GPAA1: variants seen among roughly 807,000 people sequenced by gnomAD.
The protein encoded by GPAA1 is glycosylphosphatidylinositol anchor attachment 1, also known as GPI-anchor transamidase component GPAA1.
Under a neutral mutation model 64.0 loss-of-function variants are expected in GPAA1, and 54 were observed. The ratio of observed to expected loss-of-function variants is 0.84; its 90% CI spans 0.68 to 1.06. The LOEUF is 1.06. GPAA1 is among the 50% of genes least tolerant of loss of function. The probability of loss-of-function intolerance (pLI) is 0.00; values close to 1 mark genes in which losing one functional copy is unlikely to be tolerated. For missense variants in GPAA1, 780 were observed against 822.3 expected (o/e 0.95, Z 0.63); for synonymous variants, 393 against 377.3 (o/e 1.04, Z -0.48).
At position 144,085,328 on chromosome 8, in the gene GPAA1, TCA is replaced by T. The variant is rs782547316; in HGVS notation, c.1303_1304del (p.Gln435GlyfsTer27). 1 of 1,609,988 alleles carries T rather than the reference TCA, an allele frequency of 6.2e-7. No individual in the cohort carries two copies. Among genetic ancestry groups the T allele is most frequent in the Non-Finnish European group, 8.5e-7 (1 of 1,179,140 alleles). On this transcript the variant is annotated frameshift_variant, in exon 10 of 12. Coordinates refer to ENST00000355091, the MANE Select transcript of GPAA1 (RefSeq NM_003801.4). LOFTEE classifies it high-confidence loss of function. ...CTCGCTCGTGGCACCTCTGCTGATC[TCA>T]CAGGCCATGGGACTGGCCCTCTATG... Reference protein sequence around the residue: ...LASLVAPLLISQAMGLALYVL... With the variant: ...LASLVAPLLIXQAMGLALYVL...
Position 144,082,709 on chromosome 8 carries a change from A to G in GPAA1, c.-22A>G, listed in dbSNP as rs904912076. On this transcript the variant is annotated 5_prime_UTR_variant, in exon 1 of 12. Transcript: ENST00000355091. ...TAGTTGGAGGCGGGAGAGGGTCCGTAGCCGCGCCGCCCTGCCCCGCCATGG... is the reference window on the plus strand; with the variant it reads ...TAGTTGGAGGCGGGAGAGGGTCCGTGGCCGCGCCGCCCTGCCCCGCCATGG... 1.9e-5 allele frequency: 27 copies of G among 1,438,396 alleles called. No homozygotes were observed. Among genetic ancestry groups the G allele is most frequent in the Admixed American group, 5.1e-5 (2 of 39,008 alleles). The allele number at this position is 1,438,396 out of a possible 1,614,324, so 89.1% of individuals were successfully genotyped here. A position where few individuals can be genotyped will look rare whatever the true frequency, so the allele number is the denominator to read the frequency against.
chr8:144,084,164 C>T lies in GPAA1; in HGVS notation c.647C>T (p.Ala216Val). ...GMQSSPLQGR[A>V]GAIQAAVALE... ...CAGTCGTCTCCCCTGCAGGGCCGAG[C>T]TGGGGCCATTCAGGCAGCCGTGGCC... Residue 216 changes from alanine (A) to valine (V), a missense_variant, in exon 6 of 12, where the codon GCT (alanine) becomes GTT (valine). Ala to Val is a moderately conservative substitution (Grantham distance 64). Transcript: ENST00000355091. 1.9e-6 allele frequency: 3 copies of T among 1,613,498 alleles called. No individual in the cohort carries two copies. Among genetic ancestry groups the T allele is most frequent in the Non-Finnish European group, 2.5e-6 (3 of 1,179,982 alleles).
At chr8:144,085,545 G>A in intron 10 of GPAA1, 28 bp from the exon 11 acceptor site, 1 of 1,609,234 alleles carries the variant, frequency 6.2e-7, no homozygotes, top group Non-Finnish European at 8.5e-7. Context: ...ACAGCTTGTG[G>A]GTTGCCTCTG....
In GPAA1 at chr8:144,084,208, G is replaced by T. The variant is rs1278983197; in HGVS notation, c.691G>T (p.Val231Leu). 6.2e-7 allele frequency: 1 copy of T among 1,613,584 alleles called. No homozygotes were observed. Among genetic ancestry groups the T allele is most frequent in the Non-Finnish European group, 8.5e-7 (1 of 1,180,032 alleles). Residue 231 changes from valine (V) to leucine (L), a missense_variant, in exon 6 of 12, where the codon GTG becomes TTG. Coordinates refer to ENST00000355091, the MANE Select transcript of GPAA1 (RefSeq NM_003801.4). ...CGTGGCCCTGGAGCTGAGCAGTGAT[G>T]TGGTCACCAGCCTCGATGTGGCCGT... ...AAVALELSSDVVTSLDVAVEG... is the reference protein window; with the variant it reads ...AAVALELSSDLVTSLDVAVEG...
intron 8 of GPAA1, 62 bp from the exon 9 acceptor site, chr8:144,084,981 C>T: frequency 1.3e-6 from 2 of 1,561,466 alleles, no homozygotes; most frequent in Non-Finnish European, 8.8e-7. Flanking sequence ...CGGGGGTGAG[C>T]CCTGGGTCCC....
intron 3 of GPAA1, 91 bp downstream of exon 3, chr8:144,083,591 C>T (rs1294328679): frequency 1.8e-5 from 26 of 1,419,132 alleles, no homozygotes; most frequent in Non-Finnish European, 2.6e-5. Context: ...TGTCATGGGG[C>T]CAGGAAGCTC....
chr8:144,085,147 A>C lies in GPAA1; in HGVS notation c.1260+9A>C. On this transcript the variant is annotated intron_variant, in intron 9 of 11. Coordinates refer to ENST00000355091, the MANE Select transcript of GPAA1 (RefSeq NM_003801.4). ...CCCTTCCCCCATCACAGGTGATGGC[A>C]CCCCCTTCTGTTGTTGGAATGGGCT... 6.6e-7 allele frequency: 1 copy of C among 1,520,900 alleles called. No individual in the cohort carries two copies. The highest frequency in any genetic ancestry group is 1.8e-4 in the Middle Eastern group (1 of 5,632). The allele number at this position is 1,520,900 out of a possible 1,614,324, so 94.2% of individuals were successfully genotyped here. A position where few individuals can be genotyped will look rare whatever the true frequency, so the allele number is the denominator to read the frequency against.
At chr8:144,082,979 G>A (rs1554763708) in intron 1 of GPAA1, 145 bp from the exon 2 acceptor site, 21 of 905,166 alleles carry the variant, frequency 2.3e-5, no homozygotes, top group Admixed American at 5.6e-5. Context: ...CCCAGGCTTA[G>A]GGCTCGGGTC....
Position 144,082,804 on chromosome 8 carries a change from G to GGTGA in GPAA1, c.74+2_74+5dup. 1 of 1,460,154 alleles carries GGTGA rather than the reference G, an allele frequency of 6.8e-7. No individual in the cohort carries two copies. The highest frequency in any genetic ancestry group is 9.0e-7 in the Non-Finnish European group (1 of 1,112,400). The allele number at this position is 1,460,154 out of a possible 1,614,324, so 90.4% of individuals were successfully genotyped here. On this transcript the variant is annotated stop_gained and frameshift_variant and splice_region_variant. Coordinates refer to ENST00000355091, the MANE Select transcript of GPAA1 (RefSeq NM_003801.4). LOFTEE classifies it high-confidence loss of function. ...GTGCTGCGCCTCAACGCGCCGTTGT[G>GGTGA]GTGAGGACAGGGCCCGGGGAGGCGG...
Position 144,084,839 on chromosome 8 carries a change from C to T in GPAA1, c.1128C>T (p.Pro376=), listed in dbSNP as rs782200622. The change falls in exon 8 of 12, where the codon CCC becomes CCT. Residue 376 remains proline (P), a synonymous_variant. Transcript: ENST00000355091. The part of the protein sequence containing the change: ...SRFVSIGLYM[P]AVGFLLLVLG... ...TCGTCTCCATCGGCCTCTACATGCC[C>T]GCTGTCGGCTTCTTGCTCCTGGTCC... 74 of 1,613,534 alleles carry T rather than the reference C, an allele frequency of 4.6e-5. No individual in the cohort carries two copies. Among genetic ancestry groups the T allele is most frequent in the Admixed American group, 1.8e-4 (11 of 59,998 alleles).
Position 144,084,741 on chromosome 8 carries a change from C to A in GPAA1, c.1030C>A (p.Arg344Ser). 1.2e-6 allele frequency: 2 copies of A among 1,613,876 alleles called. No homozygotes were observed. Among genetic ancestry groups the A allele is most frequent in the Middle Eastern group, 3.3e-4 (2 of 6,062 alleles). The change falls in exon 8 of 12, where the codon CGC becomes AGC. Residue 344 changes from arginine to serine, a missense_variant. Coordinates refer to ENST00000355091, the MANE Select transcript of GPAA1 (RefSeq NM_003801.4). ...TGACAGGGCTTTGGAGGGCATGTTCCGCAAGCTCAACCACCTCCTGGAGCG... is the reference window on the plus strand; with the variant it reads ...TGACAGGGCTTTGGAGGGCATGTTCAGCAAGCTCAACCACCTCCTGGAGCG... ...AVGKALEGMFRKLNHLLERLH... is the reference protein window; with the variant it reads ...AVGKALEGMFSKLNHLLERLH...
Position 144,082,690 on chromosome 8 carries a change from G to C in GPAA1, c.-41G>C, listed in dbSNP as rs1835928153. ...CCTGTGGGCACCGCGGCGGTAGTTGGAGGCGGGAGAGGGTCCGTAGCCGCG... is the reference window on the plus strand; with the variant it reads ...CCTGTGGGCACCGCGGCGGTAGTTGCAGGCGGGAGAGGGTCCGTAGCCGCG... On this transcript the variant is annotated 5_prime_UTR_variant, in exon 1 of 12. Transcript: ENST00000355091. 7.1e-7 allele frequency: 1 copy of C among 1,408,168 alleles called. No homozygotes were observed. Among genetic ancestry groups the C allele is most frequent in the Non-Finnish European group, 9.3e-7 (1 of 1,078,182 alleles). 87.2% of individuals were successfully genotyped at this position (1,408,168 alleles called of 1,614,324 possible). A position where few individuals can be genotyped will look rare whatever the true frequency, so the allele number is the denominator to read the frequency against.
chr8:144,084,977 T>C, intron 8 of GPAA1, 66 bp from the exon 9 acceptor site: 6 of 1,559,786 alleles, frequency 3.8e-6, no homozygotes, highest in Non-Finnish European at 5.3e-6. Context: ...GGTACGGGGG[T>C]GAGCCCTGGG....
At position 144,084,891 on chromosome 8, in the gene GPAA1, TG is replaced by T. The variant is rs1835971702; in HGVS notation, c.1164+17del. 1 of 1,612,720 alleles carries T rather than the reference TG, an allele frequency of 6.2e-7. No individual in the cohort carries two copies. The highest frequency in any genetic ancestry group is 1.7e-5 in the Admixed American group (1 of 59,930). On this transcript the variant is annotated intron_variant, in intron 8 of 11. Transcript: ENST00000355091. ...TGGTCTCAAGATATCCTCTGCCCCT[TG>T]CCATCTACCTGTGACCAGCCTCCAG...
intron 8 of GPAA1, 81 bp downstream of exon 8, chr8:144,084,956 A>C: frequency 1.4e-5 from 18 of 1,265,702 alleles, no homozygotes; most frequent in Non-Finnish European, 1.9e-5. Context: ...TTCCATCCTG[A>C]TGGGGGGTGG....
intron 1 of GPAA1, 143 bp downstream of exon 1, chr8:144,082,947 T>A: frequency 1.1e-6 from 1 of 877,144 alleles, no homozygotes; most frequent in Non-Finnish European, 1.7e-6. Context: ...TCCTGCCCTC[T>A]GGAAGCACTG....
Position 144,084,230 on chromosome 8 carries a change from C to G in GPAA1, c.713C>G (p.Ala238Gly), listed in dbSNP as rs781871886. Residue 238 changes from alanine to glycine, a missense_variant, in exon 6 of 12, where the codon GCC becomes GGC. By Grantham distance (60) the Ala-to-Gly change is moderately conservative. Coordinates refer to ENST00000355091, the MANE Select transcript of GPAA1 (RefSeq NM_003801.4). ...SSDVVTSLDV[A>G]VEGLNGQLPN... is the part of the protein sequence containing the mutation. ...GATGTGGTCACCAGCCTCGATGTGG[C>G]CGTGGAGGGGCTTAACGGGCAGCTG... 2 of 1,613,760 alleles carry G rather than the reference C, an allele frequency of 1.2e-6. No homozygotes were observed. The highest frequency in any genetic ancestry group is 2.2e-5 in the South Asian group (2 of 91,088).
At chr8:144,082,826 G>GCGGGGACC (rs1835930942) in intron 1 of GPAA1, 22 bp downstream of exon 1, 2 of 1,391,842 alleles carry the variant, frequency 1.4e-6, no homozygotes, top group African/African-American at 1.5e-5. Context: ...GCCCGGGGAG[G>GCGGGGACC]CGGGGACCCG....
At position 144,085,578 on chromosome 8, in the gene GPAA1, T is replaced by G; in HGVS notation, c.1457T>G (p.Val486Gly). 6.2e-7 allele frequency: 1 copy of G among 1,613,366 alleles called. No individual in the cohort carries two copies. The highest frequency in any genetic ancestry group is 8.5e-7 in the Non-Finnish European group (1 of 1,179,830). The change falls in exon 11 of 12, where the codon GTA becomes GGA. Residue 486 changes from valine to glycine, a missense_variant. Physicochemically the swap from Val to Gly is moderately radical, Grantham distance 109. Coordinates refer to ENST00000355091, the MANE Select transcript of GPAA1 (RefSeq NM_003801.4). The stretch of plus-strand genomic sequence containing the variant: ...CTGAGTCCTTTGTCTTACAGGGTGG[T>G]AAGCACACAGGCCCCAGACAGGGGC... ...LALPHNTHRV[V>G]STQAPDRGWM...
Sources: gnomAD v4.1 joint callset for allele counts on GRCh38, gnomAD v4.1.1 for gene constraint, MANE v1.5 for transcripts, NCBI Gene and HGNC (gene_info 2026-07-23, HGNC 2026-07-21) for gene names.